PGRMC2: variants seen among roughly 807,000 people sequenced by gnomAD.
The protein encoded by PGRMC2 is progesterone receptor membrane component 2.
A neutral mutation model predicts 19.3 loss-of-function variants in PGRMC2; 9 were observed. That is an observed-to-expected ratio of 0.47 (90% CI 0.28 to 0.81). PGRMC2 has a LOEUF of 0.81. PGRMC2 is among the 40% of genes least tolerant of loss of function. PGRMC2 has a pLI of 0.11. For missense variants in PGRMC2, 289 were observed against 297.3 expected, an observed-to-expected ratio of 0.97 and a Z score of 0.21; for synonymous variants, 157 against 124.6, an observed-to-expected ratio of 1.26 and a Z score of -1.73.
At chr4:128,275,245 A>C (rs1760789646) in intron 1 of PGRMC2, among the ~76,000 whole-genome samples, 1 of 152,208 alleles carries the variant, frequency 6.6e-6, no homozygotes, top group South Asian at 2.1e-4. Flanking sequence ...TACTTCAGGC[A>C]CTTCAGAGTA....
chr4:128,274,537 A>AAAAAAG lies in PGRMC2; in HGVS notation c.419-2021_419-2020insCTTTTT, dbSNP rs137964198. ...AAAGAAAAAAAAAAAAAAAAAAAAA[A>AAAAAAG]GGTATTAACCAGTTATGTCTGTGTG... is the stretch of plus-strand genomic sequence containing the variant. On this transcript the variant is annotated intron_variant, in intron 1 of 2. Transcript: ENST00000296425. 7.8e-5 allele frequency among the ~76,000 whole-genome samples: 10 copies of AAAAAAG among 128,222 alleles called. 1 individual carries two copies. The highest frequency in any genetic ancestry group is 1.8e-4 in the Admixed American group (2 of 11,362). The allele number at this position is 128,222 out of a possible 152,430, so 84.1% of individuals were successfully genotyped here. A position where few individuals can be genotyped will look rare whatever the true frequency, so the allele number is the denominator to read the frequency against.
At chr4:128,285,623 G>C (rs984279710) in intron 1 of PGRMC2, among the ~76,000 whole-genome samples, 2 of 152,036 alleles carry the variant, frequency 1.3e-5, no homozygotes, top group African/African-American at 4.8e-5. Flanking sequence ...CTTTTAGCTG[G>C]GTAAGGTCTA....
At chr4:128,284,861 C>T (rs1760960243) in intron 1 of PGRMC2, among the ~76,000 whole-genome samples, 1 of 152,168 alleles carries the variant, frequency 6.6e-6, no homozygotes, top group African/African-American at 2.4e-5. Context: ...CTACTTATTA[C>T]ATTTTCTATT....
intron 1 of PGRMC2, among the ~76,000 whole-genome samples, chr4:128,284,998 ACT>A (rs1760962401): frequency 6.6e-6 from 1 of 152,180 alleles, no homozygotes; most frequent in Non-Finnish European, 1.5e-5. Flanking sequence ...ACTGTATATC[ACT>A]CTTAGGCTGT....
At chr4:128,280,353 G>GGA (rs1491523936) in intron 1 of PGRMC2, among the ~76,000 whole-genome samples, 2 of 120,542 alleles carry the variant, frequency 1.7e-5, no homozygotes, top group African/African-American at 7.0e-5. Context: ...AATTTTCTGG[G>GGA]AAAAAAAAAA....
rs1420647745 is a variant in PGRMC2, at chr4:128,270,324, A to T, written c.*992T>A. Reference sequence around the variant, plus strand: ...CTAAAATTAGGCAGCTGTTGGGGATAAGAGTTGATTTGTTTTTCAATTTTT... The same window carrying T: ...CTAAAATTAGGCAGCTGTTGGGGATTAGAGTTGATTTGTTTTTCAATTTTT... On this transcript the variant is annotated 3_prime_UTR_variant, in exon 3 of 3. Coordinates refer to ENST00000296425, the MANE Select transcript of PGRMC2 (RefSeq NM_006320.6). The T allele has an allele frequency of 6.6e-6, 1 of 152,632 alleles. No homozygotes were observed. The allele number at this position is 152,632 out of a possible 1,614,324, so 9.5% of individuals were successfully genotyped here. A position where few individuals can be genotyped will look rare whatever the true frequency, so the allele number is the denominator to read the frequency against.
intron 1 of PGRMC2, among the ~76,000 whole-genome samples, chr4:128,274,901 A>G (rs1377308246): frequency 1.3e-5 from 2 of 152,196 alleles, no homozygotes; most frequent in East Asian, 3.8e-4. Context: ...AGTGGAAGGG[A>G]CAGACTGCCT....
intron 1 of PGRMC2, among the ~76,000 whole-genome samples, chr4:128,286,246 T>C (rs1760981828): frequency 1.3e-5 from 2 of 152,156 alleles, no homozygotes; most frequent in South Asian, 4.2e-4. Flanking sequence ...TTTATTCTTA[T>C]TGTAGTCACC....
chr4:128,282,842 T>C (rs1208690609), intron 1 of PGRMC2, among the ~76,000 whole-genome samples: 14 of 152,200 alleles, frequency 9.2e-5, no homozygotes, highest in Admixed American at 9.2e-4. Flanking sequence ...GAAGATAAAG[T>C]TTAAAATGGA....
chr4:128,282,977 T>C (rs1366628317), intron 1 of PGRMC2, among the ~76,000 whole-genome samples: 2 of 152,164 alleles, frequency 1.3e-5, no homozygotes, highest in East Asian at 1.9e-4. Flanking sequence ...GGAAAAAATA[T>C]AGCTTTGGTA....
intron 1 of PGRMC2, among the ~76,000 whole-genome samples, chr4:128,285,343 G>C (rs1318116055): frequency 6.6e-6 from 1 of 152,122 alleles, no homozygotes; most frequent in African/African-American, 2.4e-5. Context: ...TGGCCAGGCT[G>C]GTTTCGAACT....
In PGRMC2 at chr4:128,271,290, C is replaced by A; in HGVS notation, c.*26G>T. On this transcript the variant is annotated 3_prime_UTR_variant, in exon 3 of 3. Coordinates refer to ENST00000296425, the MANE Select transcript of PGRMC2 (RefSeq NM_006320.6). Reference sequence around the variant, plus strand: ...GGAGTAAGAATTGCAGTTCTGAAGGCCCCTGACTTTGGTTGTTTACAAAGT... The same window carrying A: ...GGAGTAAGAATTGCAGTTCTGAAGGACCCTGACTTTGGTTGTTTACAAAGT... The A allele has an allele frequency of 8.0e-7, 1 of 1,246,948 alleles. No individual in the cohort carries two copies. The highest frequency in any genetic ancestry group is 1.2e-6 in the Non-Finnish European group (1 of 852,800). 77.2% of individuals were successfully genotyped at this position (1,246,948 alleles called of 1,614,324 possible).
At chr4:128,275,260 C>T (rs1760789854) in intron 1 of PGRMC2, among the ~76,000 whole-genome samples, 1 of 151,970 alleles carries the variant, frequency 6.6e-6, no homozygotes, top group African/African-American at 2.4e-5. Context: ...AGAGTATAAG[C>T]CATAAAACAC....
chr4:128,280,159 T>G (rs190498045), intron 1 of PGRMC2, among the ~76,000 whole-genome samples: 73 of 148,174 alleles, frequency 4.9e-4, no homozygotes, highest in Non-Finnish European at 3.0e-5. Flanking sequence ...CATGGAGGAG[T>G]GGGCACATAT....
At chr4:128,286,346 C>T (rs1760983670) in intron 1 of PGRMC2, among the ~76,000 whole-genome samples, 1 of 152,002 alleles carries the variant, frequency 6.6e-6, no homozygotes, top group Non-Finnish European at 1.5e-5. Flanking sequence ...TTCCATGAGT[C>T]TGGGGTTTAT....
chr4:128,287,804 C>A lies in PGRMC2; in HGVS notation c.-14G>T, dbSNP rs755079553. The A allele has an allele frequency of 4.6e-6, 7 of 1,512,862 alleles. No individual in the cohort carries two copies. The highest frequency in any genetic ancestry group is 1.4e-5 in the African/African-American group (1 of 73,220). 93.7% of individuals were successfully genotyped at this position (1,512,862 alleles called of 1,614,324 possible). A position where few individuals can be genotyped will look rare whatever the true frequency, so the allele number is the denominator to read the frequency against. On this transcript the variant is annotated 5_prime_UTR_variant, in exon 1 of 3. Coordinates refer to ENST00000296425, the MANE Select transcript of PGRMC2 (RefSeq NM_006320.6). ...ACCAGCCGCCATCACTGCCCGCCAG[C>A]GCCTTCCTCCTCCTCCCCGCCCCCT...
At chr4:128,281,247 C>T (rs756227589) in intron 1 of PGRMC2, among the ~76,000 whole-genome samples, 5 of 152,250 alleles carry the variant, frequency 3.3e-5, no homozygotes, top group South Asian at 4.1e-4. Flanking sequence ...CTATGTACAA[C>T]GCAGGGGATA....
chr4:128,280,742 T>C (rs1017777800), intron 1 of PGRMC2, among the ~76,000 whole-genome samples: 10 of 152,064 alleles, frequency 6.6e-5, no homozygotes, highest in African/African-American at 2.4e-4. Context: ...GGGCCACAGG[T>C]GCATGTCACT....
intron 1 of PGRMC2, among the ~76,000 whole-genome samples, chr4:128,284,558 C>T (rs1001411472): frequency 1.3e-5 from 2 of 152,124 alleles, no homozygotes; most frequent in East Asian, 1.9e-4. Flanking sequence ...TGTGTATACT[C>T]CACCAAATTA....
Sources: gnomAD v4.1 joint callset for allele counts (sites outside exome capture counted in the v4.1 genomes callset) on GRCh38, gnomAD v4.1.1 for gene constraint, MANE v1.5 for transcripts, NCBI Gene and HGNC (gene_info 2026-07-23, HGNC 2026-07-21) for gene names.